MTMR3: variants seen among roughly 807,000 people sequenced by gnomAD.
The protein encoded by MTMR3 is myotubularin related protein 3.
In MTMR3, 32 loss-of-function variants were observed where a neutral mutation model predicts 132.4. That is an observed-to-expected ratio of 0.24 (90% CI 0.18 to 0.32). The LOEUF is 0.32. MTMR3 is among the 10% of genes least tolerant of loss of function. MTMR3 has a pLI of 1.00. For missense variants in MTMR3, 1,216 were observed against 1,489.6 expected, an observed-to-expected ratio of 0.82 and a Z score of 3.02; for synonymous variants, 556 against 550.3, an observed-to-expected ratio of 1.01 and a Z score of -0.14.
intron 1 of MTMR3, among the ~76,000 whole-genome samples, chr22:29,921,232 C>T (rs1010817656): frequency 1.3e-5 from 2 of 152,080 alleles, no homozygotes; most frequent in African/African-American, 4.8e-5. Flanking sequence ...ACAGGCGTGT[C>T]ATGTGGCGAG....
rs749363294 is a variant in MTMR3, at chr22:30,022,656, C to T, written c.3384C>T (p.Cys1128=). The T allele has an allele frequency of 3.2e-5, 52 of 1,611,898 alleles. No homozygotes were observed. The highest frequency in any genetic ancestry group is 1.1e-4 in the East Asian group (5 of 44,888). ...ACCTGGCCGCCCACTGCTATGCGTG[C>T]GACAGTGCCTTCTGGCTTGCCAGCA... The part of the protein sequence containing the change: ...PDHLAAHCYA[C]DSAFWLASRK... Residue 1128 remains cysteine, a synonymous_variant, in exon 19 of 20, where the codon TGC becomes TGT. Coordinates refer to ENST00000401950, the MANE Select transcript of MTMR3 (RefSeq NM_021090.4).
rs2067942702 is a variant in MTMR3 at position 30,027,914 on chromosome 22, C to G, written c.*2113C>G. 6.6e-6 allele frequency: 1 copy of G among 152,360 alleles called. No homozygotes were observed. Among genetic ancestry groups the G allele is most frequent in the Non-Finnish European group, 1.5e-5 (1 of 68,042 alleles). The allele number at this position is 152,360 out of a possible 1,614,324, so 9.4% of individuals were successfully genotyped here. On this transcript the variant is annotated 3_prime_UTR_variant, in exon 20 of 20. Transcript: ENST00000401950. Reference sequence around the variant, plus strand: ...CCTGTGGTTTATCCCCTCTTCGTCCCTTTTCCCTCTCACACAGAAGTGTTT... The same window carrying G: ...CCTGTGGTTTATCCCCTCTTCGTCCGTTTTCCCTCTCACACAGAAGTGTTT...
intron 1 of MTMR3, among the ~76,000 whole-genome samples, chr22:29,952,075 A>G (rs543263820): frequency 3.9e-5 from 6 of 151,958 alleles, no homozygotes; most frequent in Non-Finnish European, 8.8e-5. Flanking sequence ...GTTTTTTTGT[A>G]GATGATGGTT....
At position 30,009,019 on chromosome 22, in the gene MTMR3, G is replaced by A. The variant is rs1269948224; in HGVS notation, c.1011G>A (p.Glu337=). 3 of 1,596,548 alleles carry A rather than the reference G, an allele frequency of 1.9e-6. No individual in the cohort carries two copies. Among genetic ancestry groups the A allele is most frequent in the Non-Finnish European group, 2.6e-6 (3 of 1,164,244 alleles). The part of the protein sequence containing the change: ...RAKGGGCECP[E]YYPNCEVVFM... ...TCTCTTTATTGTTACTCTCTCCAGA[G>A]TATTACCCAAACTGTGAAGTTGTGT... The change falls in exon 12 of 20, where the codon GAG becomes GAA. Residue 337 remains glutamate (E), a splice_region_variant and synonymous_variant. Coordinates refer to ENST00000401950, the MANE Select transcript of MTMR3 (RefSeq NM_021090.4).
intron 2 of MTMR3, among the ~76,000 whole-genome samples, chr22:29,966,859 A>G (rs530751455): frequency 3.6e-4 from 55 of 151,570 alleles, no homozygotes; most frequent in African/African-American, 1.3e-3. Context: ...GCATTTAACC[A>G]TTTTGCTCAA....
intron 1 of MTMR3, among the ~76,000 whole-genome samples, chr22:29,905,192 C>G (rs563779415): frequency 6.6e-6 from 1 of 152,190 alleles, no homozygotes; most frequent in South Asian, 2.1e-4. Flanking sequence ...CCACATACAC[C>G]AACATCTGGG....
chr22:29,998,879 G>A (rs1234999412), intron 8 of MTMR3, 22 bp downstream of exon 8: 4 of 1,562,192 alleles, frequency 2.6e-6, no homozygotes, highest in Non-Finnish European at 2.6e-6. Context: ...GGGTCCCTGT[G>A]GACTGTTTCA....
rs751653620 is a variant in MTMR3 at position 30,025,814 on chromosome 22, T to G, written c.*13T>G. On this transcript the variant is annotated 3_prime_UTR_variant, in exon 20 of 20. Coordinates refer to ENST00000401950, the MANE Select transcript of MTMR3 (RefSeq NM_021090.4). ...CACTTCCAACTGAAGCTCAGTGACC[T>G]GGGTGGGCAGTGGCCAAGCTGCTGT... 2.5e-5 allele frequency: 41 copies of G among 1,613,408 alleles called. No individual in the cohort carries two copies. Among genetic ancestry groups the G allele is most frequent in the Non-Finnish European group, 3.5e-5 (41 of 1,179,954 alleles).
chr22:29,966,477 T>A (rs962118226), intron 2 of MTMR3, among the ~76,000 whole-genome samples: 20 of 152,182 alleles, frequency 1.3e-4, no homozygotes, highest in African/African-American at 4.8e-4. Flanking sequence ...GTTATTTTCC[T>A]GTAGTTTTCC....
At chr22:29,991,936 C>G (rs1484007181) in intron 7 of MTMR3, 5 of 280,704 alleles carry the variant, frequency 1.8e-5, no homozygotes, top group Non-Finnish European at 3.3e-5. Flanking sequence ...AGTATGGAAG[C>G]CTGATAGAAA....
Position 29,971,074 on chromosome 22 carries a change from G to A in MTMR3, c.3+12G>A, listed in dbSNP as rs1255019886. 41 of 1,584,682 alleles carry A rather than the reference G, an allele frequency of 2.6e-5. No individual in the cohort carries two copies. The highest frequency in any genetic ancestry group is 3.3e-5 in the Non-Finnish European group (39 of 1,169,314). Reference sequence around the variant, plus strand: ...GGCCTCTTGTCATGGTAAGTACAAGGAAATAAGAGTAAAAAAAAAAACAAA... The same window carrying A: ...GGCCTCTTGTCATGGTAAGTACAAGAAAATAAGAGTAAAAAAAAAAACAAA... On this transcript the variant is annotated intron_variant, in intron 3 of 19. Coordinates refer to ENST00000401950, the MANE Select transcript of MTMR3 (RefSeq NM_021090.4).
intron 1 of MTMR3, among the ~76,000 whole-genome samples, chr22:29,913,846 G>C (rs1208560281): frequency 6.6e-6 from 1 of 152,104 alleles, no homozygotes; most frequent in African/African-American, 2.4e-5. Context: ...CCGCCTCCTG[G>C]GTTAAAGCTA....
chr22:29,940,369 T>C lies in MTMR3; in HGVS notation c.-137-16667T>C, dbSNP rs1040480031. Among the ~76,000 whole-genome samples, 9 of 139,930 alleles carry C rather than the reference T, an allele frequency of 6.4e-5. 1 individual carries two copies. The highest frequency in any genetic ancestry group is 3.0e-4 in the African/African-American group (9 of 29,924). The allele number at this position is 139,930 out of a possible 152,430, so 91.8% of individuals were successfully genotyped here. On this transcript the variant is annotated intron_variant, in intron 1 of 19. Coordinates refer to ENST00000401950, the MANE Select transcript of MTMR3 (RefSeq NM_021090.4). ...AAAATTTGTTCCTAATTCCACTGCC[T>C]ATCCCAAACCTGTAAGAACTAATGA...
chr22:29,964,631 C>T (rs1002285086), intron 2 of MTMR3, among the ~76,000 whole-genome samples: 1 of 152,142 alleles, frequency 6.6e-6, no homozygotes, highest in Admixed American at 6.5e-5. Context: ...AGTTACACAC[C>T]AGGATATCTT....
intron 1 of MTMR3, among the ~76,000 whole-genome samples, chr22:29,924,439 G>GT (rs1448268143): frequency 1.3e-5 from 2 of 151,038 alleles, no homozygotes; most frequent in Non-Finnish European, 3.0e-5. Context: ...TTTTATGCCA[G>GT]TTTCCTCACT....
chr22:29,959,296 A>G (rs1414345451), intron 2 of MTMR3, among the ~76,000 whole-genome samples: 5 of 152,010 alleles, frequency 3.3e-5, no homozygotes, highest in Non-Finnish European at 4.4e-5. Flanking sequence ...TGGAATAGGA[A>G]TCTTAATCTT....
At chr22:29,930,843 A>G (rs2065627819) in intron 1 of MTMR3, among the ~76,000 whole-genome samples, 1 of 152,078 alleles carries the variant, frequency 6.6e-6, no homozygotes, top group Non-Finnish European at 1.5e-5. Context: ...CTACAAAAAT[A>G]TAAAAATAAA....
At chr22:29,912,981 A>G (rs1033141428) in intron 1 of MTMR3, among the ~76,000 whole-genome samples, 2 of 152,126 alleles carry the variant, frequency 1.3e-5, no homozygotes, top group African/African-American at 2.4e-5. Flanking sequence ...AGTGGCTTAC[A>G]CCTGTAATCC....
At chr22:29,954,059 C>CTTTTTTTTTTTTTTTTTTT (rs59781649) in intron 1 of MTMR3, among the ~76,000 whole-genome samples, 7 of 79,436 alleles carry the variant, frequency 8.8e-5, no homozygotes, top group African/African-American at 3.2e-4. Context: ...TCAAATGAGT[C>CTTTTTTTTTTTTTTTTTTT]TTTTTTTTTT....
Sources: gnomAD v4.1 joint callset for allele counts (sites outside exome capture counted in the v4.1 genomes callset) on GRCh38, gnomAD v4.1.1 for gene constraint, MANE v1.5 for transcripts, NCBI Gene and HGNC (gene_info 2026-07-23, HGNC 2026-07-21) for gene names.